Variants in CNTN6 observed in about 807,000 individuals in gnomAD.
The protein encoded by CNTN6 is contactin-6.
CNTN6 carries 137 observed loss-of-function variants against 122.8 expected under a neutral mutation model. The observed-to-expected ratio is 1.12, with a 90% CI of 0.97 to 1.29. The LOEUF is 1.29. Among genes scored for constraint, CNTN6 ranks in the 50% most tolerant of loss-of-function variants. The pLI is 0.00. For synonymous variants in CNTN6, 570 were observed against 426.0 expected, an observed-to-expected ratio of 1.34 and a Z score of -4.16; for missense variants, 1,634 against 1,223.4, an observed-to-expected ratio of 1.34 and a Z score of -5.01.
intron 1 of CNTN6, among the ~76,000 whole-genome samples, chr3:1,133,228 C>CCGTTACTTG (rs2125107592): frequency 6.6e-6 from 1 of 152,188 alleles, no homozygotes; most frequent in African/African-American, 2.4e-5. Context: ...CGAATCTTGA[C>CCGTTACTTG]AATGATAAAA....
intron 5 of CNTN6, among the ~76,000 whole-genome samples, chr3:1,282,223 C>T (rs116418171): frequency 0.012 from 1,863 of 152,130 alleles, 51 homozygotes; most frequent in African/African-American, 0.042. Flanking sequence ...TCTGCGTAAA[C>T]GAAAGGAGGG....
At chr3:1,255,859 A>ATTTTAG (rs1559626438) in intron 4 of CNTN6, among the ~76,000 whole-genome samples, 1 of 151,634 alleles carries the variant, frequency 6.6e-6, no homozygotes, top group African/African-American at 2.4e-5. Context: ...ATTTTATTTT[A>ATTTTAG]TTTTAGTTTT....
intron 4 of CNTN6, among the ~76,000 whole-genome samples, chr3:1,271,431 A>C (rs990074327): frequency 4.6e-5 from 7 of 152,130 alleles, no homozygotes; most frequent in African/African-American, 1.2e-4. Flanking sequence ...CCAATATTTC[A>C]TTCTAAGGTG....
At position 1,373,405 on chromosome 3, in the gene CNTN6, C is replaced by G. The variant is rs76874136; in HGVS notation, c.1787-199C>G. Among the ~76,000 whole-genome samples the G allele has an allele frequency of 7.7e-3, 1,175 of 152,050 alleles. 8 individuals carry two copies. Among genetic ancestry groups the G allele is most frequent in the Non-Finnish European group, 0.013 (885 of 67,956 alleles). ...TCCTATGCCTGATATTTTCTAATCT[C>G]CAGAGGAAGCACTACTACATTAATG... On this transcript the variant is annotated intron_variant, in intron 14 of 22. Coordinates refer to ENST00000446702, the MANE Select transcript of CNTN6 (RefSeq NM_001289080.2).
chr3:1,124,082 G>C (rs1001650205), intron 1 of CNTN6, among the ~76,000 whole-genome samples: 4 of 151,906 alleles, frequency 2.6e-5, no homozygotes, highest in African/African-American at 9.7e-5. Flanking sequence ...TGTTGGACTA[G>C]AGGTGATTTT....
intron 2 of CNTN6, among the ~76,000 whole-genome samples, chr3:1,172,456 G>A (rs2093373463): frequency 6.6e-6 from 1 of 152,202 alleles, no homozygotes; most frequent in African/African-American, 2.4e-5. Flanking sequence ...AATCTGTATA[G>A]TGAAACTTTC....
At chr3:1,243,570 G>T (rs1436772642) in intron 4 of CNTN6, among the ~76,000 whole-genome samples, 72 of 151,952 alleles carry the variant, frequency 4.7e-4, no homozygotes, top group South Asian at 1.9e-3. Flanking sequence ...CTGTAAAGTG[G>T]CTCAGGGTTG....
At chr3:1,326,394 G>A (rs908100378) in intron 9 of CNTN6, among the ~76,000 whole-genome samples, 7 of 151,728 alleles carry the variant, frequency 4.6e-5, no homozygotes, top group African/African-American at 1.5e-4. Context: ...AAGAGGTTAG[G>A]CTACTTGTTT....
At chr3:1,119,022 A>C (rs1574913761) in intron 1 of CNTN6, among the ~76,000 whole-genome samples, 1 of 152,262 alleles carries the variant, frequency 6.6e-6, no homozygotes, top group East Asian at 1.9e-4. Context: ...TCAGTGATCC[A>C]TCTCCCATCT....
At chr3:1,234,886 C>A (rs1379517759) in intron 4 of CNTN6, among the ~76,000 whole-genome samples, 1 of 152,108 alleles carries the variant, frequency 6.6e-6, no homozygotes, top group African/African-American at 2.4e-5. Context: ...GTTATCATAT[C>A]AAGGAGAAAA....
chr3:1,254,184 G>T (rs1283143622), intron 4 of CNTN6, among the ~76,000 whole-genome samples: 2 of 151,770 alleles, frequency 1.3e-5, no homozygotes, highest in South Asian at 2.1e-4. Context: ...TTTTCATCTC[G>T]TGCTTTCTTT....
At chr3:1,220,644 G>T in intron 2 of CNTN6, 43 bp from the exon 3 acceptor site, 1 of 1,555,284 alleles carries the variant, frequency 6.4e-7, no homozygotes, top group Non-Finnish European at 8.7e-7. Flanking sequence ...ATTCAAAACA[G>T]GGCCACTTTT....
chr3:1,136,132 G>A (rs958629970), intron 1 of CNTN6, among the ~76,000 whole-genome samples: 1 of 152,120 alleles, frequency 6.6e-6, no homozygotes, highest in African/African-American at 2.4e-5. Context: ...GATATCTTGG[G>A]CTCTTTGAAA....
chr3:1,394,930 A>G (rs1403535524), intron 20 of CNTN6, among the ~76,000 whole-genome samples: 3 of 152,226 alleles, frequency 2.0e-5, no homozygotes, highest in Non-Finnish European at 4.4e-5. Context: ...TACCTCTGCT[A>G]AGGAAAAAGT....
At chr3:1,214,761 G>A (rs993087072) in intron 2 of CNTN6, among the ~76,000 whole-genome samples, 5 of 152,144 alleles carry the variant, frequency 3.3e-5, no homozygotes, top group Middle Eastern at 3.4e-3. Context: ...TTTACTCTGT[G>A]TATGTATGTG....
chr3:1,282,819 A>C (rs1223372173), intron 5 of CNTN6, among the ~76,000 whole-genome samples: 1 of 152,128 alleles, frequency 6.6e-6, no homozygotes, highest in African/African-American at 2.4e-5. Context: ...CTATTTGGAC[A>C]CCTATCTCAG....
intron 1 of CNTN6, among the ~76,000 whole-genome samples, chr3:1,113,867 C>G: frequency 8.0e-6 from 1 of 125,254 alleles, no homozygotes; most frequent in East Asian, 2.4e-4. Flanking sequence ...CTCACTCACT[C>G]AAATGGTAGA....
chr3:1,377,202 C>A (rs1709999753), intron 17 of CNTN6, 127 bp downstream of exon 17: 2 of 567,198 alleles, frequency 3.5e-6, no homozygotes, highest in South Asian at 3.2e-5. Flanking sequence ...AAAAATACAT[C>A]ATCCTGATGA....
intron 7 of CNTN6, among the ~76,000 whole-genome samples, chr3:1,300,557 A>AAAAG (rs202226482): frequency 0.05 from 5,374 of 107,118 alleles, 116 homozygotes; most frequent in Middle Eastern, 0.073. Context: ...AAGAGAAAGA[A>AAAAG]AAAGAAAGAA....
Sources: allele counts gnomAD v4.1 joint callset (sites outside exome capture counted in the v4.1 genomes callset), GRCh38; gene constraint gnomAD v4.1.1; transcripts MANE v1.5; gene names NCBI Gene and HGNC (gene_info 2026-07-23, HGNC 2026-07-21).